Variants in MINDY3 observed in about 807,000 individuals in gnomAD.
The protein encoded by MINDY3 is MINDY lysine 48 deubiquitinase 3.
MINDY3 carries 38 observed loss-of-function variants against 69.2 expected under a neutral mutation model. The ratio of observed to expected loss-of-function variants is 0.55; its 90% confidence interval spans 0.42 to 0.72. The LOEUF (loss-of-function observed/expected upper bound fraction) is 0.72, where lower values mean the gene tolerates loss of function less well. Among genes scored for constraint, MINDY3 ranks in the 30% least tolerant of loss-of-function variants. The pLI, the probability that MINDY3 is intolerant of heterozygous loss-of-function variation, is 0.00. For missense variants in MINDY3, 522 were observed against 519.0 expected, an observed-to-expected ratio of 1.01 and a Z score of -0.06; for synonymous variants, 192 against 180.1, an observed-to-expected ratio of 1.07 and a Z score of -0.53.
chr10:15,779,104 A>T lies in MINDY3; in HGVS notation c.1226T>A (p.Phe409Tyr). The stretch of plus-strand genomic sequence containing the variant: ...ATCTGTCTGTAGCATGGGATCTTCA[A>T]AACCCATCACAACTGCAGTCCCTTC... ...YVEGTAVVMG[F>Y]EDPMLQTDDT... Residue 409 changes from phenylalanine to tyrosine, a missense_variant, in exon 15 of 15, where the codon TTT becomes TAT. Phe to Tyr is a conservative substitution (Grantham distance 22). Transcript: ENST00000277632. 1 of 1,613,644 alleles carries T rather than the reference A, an allele frequency of 6.2e-7. No homozygotes were observed. The highest frequency in any genetic ancestry group is 1.1e-5 in the South Asian group (1 of 91,062).
intron 10 of MINDY3, among the ~76,000 whole-genome samples, chr10:15,801,402 C>CT (rs1398164601): frequency 1.3e-5 from 2 of 152,228 alleles, no homozygotes; most frequent in East Asian, 3.9e-4. Flanking sequence ...GAAGAGAATG[C>CT]TTTCTCTGGA....
intron 8 of MINDY3, among the ~76,000 whole-genome samples, chr10:15,829,735 C>T (rs911691187): frequency 3.3e-5 from 5 of 152,090 alleles, no homozygotes. Context: ...ATAGTCTAGA[C>T]AGGTGAGAGT....
intron 1 of MINDY3, among the ~76,000 whole-genome samples, chr10:15,855,997 A>C (rs1834662687): frequency 6.6e-6 from 1 of 152,164 alleles, no homozygotes; most frequent in South Asian, 2.1e-4. Flanking sequence ...TTACGAATTA[A>C]GAAATATTGG....
At chr10:15,786,345 T>C (rs1836957451) in intron 13 of MINDY3, among the ~76,000 whole-genome samples, 1 of 152,120 alleles carries the variant, frequency 6.6e-6, no homozygotes, top group Non-Finnish European at 1.5e-5. Flanking sequence ...TATAGACTGG[T>C]GTCTGCGTCA....
chr10:15,851,244 C>T (rs911541432), intron 1 of MINDY3, among the ~76,000 whole-genome samples: 7 of 152,102 alleles, frequency 4.6e-5, no homozygotes, highest in Non-Finnish European at 1.0e-4. Flanking sequence ...ATATATTTTT[C>T]CTGAGTAATC....
chr10:15,782,077 G>T, intron 14 of MINDY3, 78 bp downstream of exon 14: 1 of 1,012,444 alleles, frequency 9.9e-7, no homozygotes. Flanking sequence ...AATTGTACGG[G>T]AATCGAACAT....
At chr10:15,855,184 C>A (rs1692041694) in intron 1 of MINDY3, among the ~76,000 whole-genome samples, 1 of 152,042 alleles carries the variant, frequency 6.6e-6, no homozygotes, top group Non-Finnish European at 1.5e-5. Flanking sequence ...AGCAGTTATG[C>A]TTCATGCCAA....
At chr10:15,798,989 A>G (rs1488434087) in intron 10 of MINDY3, among the ~76,000 whole-genome samples, 1 of 152,038 alleles carries the variant, frequency 6.6e-6, no homozygotes, top group Admixed American at 6.6e-5. Flanking sequence ...AGGGTTTGGC[A>G]AGCATTTTTC....
At chr10:15,832,069 A>G (rs1401628474) in intron 8 of MINDY3, among the ~76,000 whole-genome samples, 1 of 152,144 alleles carries the variant, frequency 6.6e-6, no homozygotes, top group Non-Finnish European at 1.5e-5. Context: ...GGTGAGGAAG[A>G]GCCTAGGGAG....
At chr10:15,840,694 A>G (rs1318993042) in intron 4 of MINDY3, among the ~76,000 whole-genome samples, 2 of 151,604 alleles carry the variant, frequency 1.3e-5, no homozygotes, top group African/African-American at 4.8e-5. Flanking sequence ...AAAACCATCA[A>G]CTAGCAAGAT....
chr10:15,827,176 TAAAAA>T (rs56332799), intron 8 of MINDY3, among the ~76,000 whole-genome samples: 4 of 44,874 alleles, frequency 8.9e-5, no homozygotes, highest in Non-Finnish European at 1.2e-4. Flanking sequence ...ATAACAGGAG[TAAAAA>T]AAAAAAAAAA....
At chr10:15,852,953 T>A (rs1274286355) in intron 1 of MINDY3, among the ~76,000 whole-genome samples, 4 of 152,242 alleles carry the variant, frequency 2.6e-5, no homozygotes, top group East Asian at 1.9e-4. Context: ...TTACAGTGTA[T>A]TAGGTATTGT....
intron 10 of MINDY3, among the ~76,000 whole-genome samples, chr10:15,814,036 C>G (rs61844793): frequency 1.3e-3 from 195 of 150,348 alleles, no homozygotes; most frequent in Middle Eastern, 3.5e-3. Context: ...ACTGCTTGCT[C>G]AAATGCAGAA....
chr10:15,837,172 C>T (rs1367265072), intron 6 of MINDY3, 32 bp downstream of exon 6: 4 of 1,302,708 alleles, frequency 3.1e-6, no homozygotes, highest in Non-Finnish European at 3.3e-6. Flanking sequence ...CAACATTAAT[C>T]AAAGGCAGAA....
chr10:15,847,176 AT>A (rs1371502909), intron 2 of MINDY3, among the ~76,000 whole-genome samples: 1 of 152,262 alleles, frequency 6.6e-6, no homozygotes, highest in African/African-American at 2.4e-5. Context: ...ATTCACAGAC[AT>A]CATCAGTATT....
chr10:15,804,238 G>T (rs1838468389), intron 10 of MINDY3, among the ~76,000 whole-genome samples: 1 of 151,954 alleles, frequency 6.6e-6, no homozygotes, highest in African/African-American at 2.4e-5. Flanking sequence ...GGGGGGCGGG[G>T]GATGGAAGTA....
chr10:15,824,965 G>A (rs972441348), intron 8 of MINDY3, among the ~76,000 whole-genome samples: 1 of 152,162 alleles, frequency 6.6e-6, no homozygotes, highest in Non-Finnish European at 1.5e-5. Context: ...ATAGTTTCAA[G>A]AGCATCACAC....
intron 3 of MINDY3, among the ~76,000 whole-genome samples, chr10:15,841,903 T>G (rs548081462): frequency 1.7e-4 from 26 of 151,836 alleles, no homozygotes; most frequent in African/African-American, 5.8e-4. Flanking sequence ...CTTAAAACTT[T>G]AGCAACTGCA....
Position 15,779,038 on chromosome 10 carries a change from T to C in MINDY3, c.1292A>G (p.Tyr431Cys), listed in dbSNP as rs1258800414. ...IKRCLQTKWPYIELLWTTDRS... is the reference protein window; with the variant it reads ...IKRCLQTKWPCIELLWTTDRS... The stretch of plus-strand genomic sequence containing the variant: ...ATCTGTGGTCCAGAGTAACTCAATG[T>C]ATGGCCATTTGGTTTGCAGACAGCG... Residue 431 changes from tyrosine to cysteine, a missense_variant, in exon 15 of 15, where the codon TAC becomes TGC. Coordinates refer to ENST00000277632, the MANE Select transcript of MINDY3 (RefSeq NM_024948.4). The C allele has an allele frequency of 6.2e-7, 1 of 1,613,608 alleles. No individual in the cohort carries two copies. Among genetic ancestry groups the C allele is most frequent in the African/African-American group, 1.3e-5 (1 of 75,020 alleles).
Sources: gnomAD v4.1 joint callset for allele counts (sites outside exome capture counted in the v4.1 genomes callset) on GRCh38, gnomAD v4.1.1 for gene constraint, MANE v1.5 for transcripts, NCBI Gene and HGNC (gene_info 2026-07-23, HGNC 2026-07-21) for gene names.